Variants in SLCO1A2 observed in about 807,000 individuals in gnomAD.
The protein encoded by SLCO1A2 is OATP-1.
A neutral mutation model predicts 69.0 loss-of-function variants in SLCO1A2; 67 were observed. The ratio of observed to expected loss-of-function variants is 0.97; its 90% CI spans 0.80 to 1.19. SLCO1A2 has a LOEUF of 1.19. SLCO1A2 is among the 50% of genes most tolerant of loss of function. SLCO1A2 has a pLI of 0.00. For missense variants in SLCO1A2, 787 were observed against 793.7 expected (o/e 0.99, Z 0.10); for synonymous variants, 260 against 265.9 (o/e 0.98, Z 0.22).
intron 2 of SLCO1A2, among the ~76,000 whole-genome samples, chr12:21,357,436 G>A (rs1591876200): frequency 6.6e-6 from 1 of 152,196 alleles, no homozygotes; most frequent in Admixed American, 6.5e-5. Context: ...CAACCCTGCT[G>A]ACACCTAATC....
chr12:21,314,051 C>A (rs12231484), intron 4 of SLCO1A2, among the ~76,000 whole-genome samples: 5,810 of 151,044 alleles, frequency 0.038, 454 homozygotes, highest in East Asian at 0.35. Context: ...AAGTTATAAG[C>A]ACTTGCCTCT....
rs1280201149 is a variant in SLCO1A2, at chr12:21,300,549, T to C, written c.709A>G (p.Thr237Ala). The change falls in exon 8 of 15, where the codon ACT (threonine) becomes GCT (alanine). Residue 237 changes from threonine (T) to alanine (A), a missense_variant. Physicochemically the swap from Thr to Ala is moderately conservative, Grantham distance 58. Transcript: ENST00000683939. ...VNTDDLIITPTDTRWVGAWWF... is the reference protein window; with the variant it reads ...VNTDDLIITPADTRWVGAWWF... ...CATGCACCGACCCAACGAGTGTCAG[T>C]GGGAGTTATGATCAGATCATCTGTA... The C allele has an allele frequency of 1.9e-6, 3 of 1,612,048 alleles. No individual in the cohort carries two copies. In the African/African-American group the frequency reaches 4.0e-5, roughly 22 times the overall value.
chr12:21,297,742 G>C (rs1947948154), intron 8 of SLCO1A2, among the ~76,000 whole-genome samples, 174 bp from the exon 9 acceptor site: 1 of 152,086 alleles, frequency 6.6e-6, no homozygotes, highest in Non-Finnish European at 1.5e-5. Flanking sequence ...ATGTTTTGGT[G>C]GCTTCTGGAA....
chr12:21,386,507 C>T (rs146679528), intron 1 of SLCO1A2, among the ~76,000 whole-genome samples: 3,917 of 152,052 alleles, frequency 0.026, 152 homozygotes, highest in African/African-American at 0.079. Flanking sequence ...ATAAGTCTCA[C>T]GAGATCTGAT....
At chr12:21,287,176 C>G (rs375510208) in intron 12 of SLCO1A2, among the ~76,000 whole-genome samples, 13 of 135,864 alleles carry the variant, frequency 9.6e-5, no homozygotes, top group Admixed American at 8.6e-4. Context: ...AAAAAACAAA[C>G]AACCCCATCA....
intron 2 of SLCO1A2, among the ~76,000 whole-genome samples, chr12:21,364,426 C>T (rs948721962): frequency 1.3e-5 from 2 of 152,098 alleles, no homozygotes; most frequent in Non-Finnish European, 2.9e-5. Flanking sequence ...TTATGACAAA[C>T]CCACAGGCAA....
intron 2 of SLCO1A2, among the ~76,000 whole-genome samples, chr12:21,371,814 C>T (rs1000079821): frequency 1.4e-4 from 21 of 151,978 alleles, no homozygotes; most frequent in African/African-American, 5.1e-4. Flanking sequence ...ACCAGCCTGA[C>T]CAACATAGAG....
chr12:21,376,885 G>T (rs1003155171), intron 1 of SLCO1A2, among the ~76,000 whole-genome samples: 2 of 151,950 alleles, frequency 1.3e-5, no homozygotes, highest in Non-Finnish European at 2.9e-5. Flanking sequence ...CCAATATTTT[G>T]ATTTCTATGG....
Position 21,318,824 on chromosome 12 carries a change from G to A in SLCO1A2, c.160C>T (p.Pro54Ser), listed in dbSNP as rs1255829326. The A allele has an allele frequency of 6.2e-7, 1 of 1,610,152 alleles. No individual in the cohort carries two copies. The highest frequency in any genetic ancestry group is 8.5e-7 in the Non-Finnish European group (1 of 1,178,504). The change falls in exon 3 of 15, where the codon CCA (proline) becomes TCA (serine). Residue 54 changes from proline to serine, a missense_variant. Transcript: ENST00000683939. ...TTAATGAATCCAACTAGAGATGTTG[G>A]GATGTTGAATTGTCTCTCTATTTGT... ...LTQIERQFNI[P>S]TSLVGFINGS...
chr12:21,391,229 A>G (rs1339216697), intron 1 of SLCO1A2, among the ~76,000 whole-genome samples: 1 of 152,166 alleles, frequency 6.6e-6, no homozygotes, highest in African/African-American at 2.4e-5. Flanking sequence ...TTACAGCATT[A>G]CTATAAGTGA....
chr12:21,364,490 G>C (rs576850141), intron 2 of SLCO1A2, among the ~76,000 whole-genome samples: 1 of 152,294 alleles, frequency 6.6e-6, no homozygotes, highest in African/African-American at 2.4e-5. Context: ...ATGGGCACAA[G>C]ATAGGGATGC....
chr12:21,295,571 C>T (rs1565478712), intron 10 of SLCO1A2, 26 bp downstream of exon 10: 1 of 1,387,570 alleles, frequency 7.2e-7, no homozygotes, highest in East Asian at 2.3e-5. Flanking sequence ...TTGAAAGATT[C>T]TCACATTCAT....
intron 1 of SLCO1A2, among the ~76,000 whole-genome samples, chr12:21,385,372 T>C (rs995972862): frequency 6.6e-6 from 1 of 152,194 alleles, no homozygotes; most frequent in Non-Finnish European, 1.5e-5. Context: ...TAATTTGAAA[T>C]TCATTCTTGT....
At chr12:21,336,932 T>C (rs551895857), upstream of SLCO1A2, among the ~76,000 whole-genome samples, 3 of 152,160 alleles carry the variant, frequency 2.0e-5, no homozygotes, top group Admixed American at 2.0e-4. Flanking sequence ...TGGAGAATCA[T>C]GTTATTTCCC....
chr12:21,280,578 A>G (rs1028293463), intron 12 of SLCO1A2, among the ~76,000 whole-genome samples: 8 of 152,108 alleles, frequency 5.3e-5, no homozygotes, highest in African/African-American at 1.9e-4. Flanking sequence ...CCAGATATAT[A>G]AAGCAAATAT....
intron 3 of SLCO1A2, 144 bp from the exon 4 acceptor site, chr12:21,314,825 T>A: frequency 1.5e-6 from 1 of 674,192 alleles, no homozygotes; most frequent in Non-Finnish European, 2.5e-6. Flanking sequence ...CATTAAATAA[T>A]AAATGAATAT....
rs75784823 is a variant in SLCO1A2 at position 21,394,058 on chromosome 12, CA to C, written c.-190+847del. Among the ~76,000 whole-genome samples, 193 of 152,274 alleles carry C rather than the reference CA, an allele frequency of 1.3e-3. 3 individuals are homozygous for C. The East Asian group carries it at 0.023, about 18-fold the overall frequency. ...AGCACAGCCATGGTTCAATATTGCA[CA>C]GTGACCTTCATAGAGACAAGATAAA... is the stretch of plus-strand genomic sequence containing the variant. On this transcript the variant is annotated intron_variant, in intron 1 of 15. Transcript: ENST00000307378.
intron 1 of SLCO1A2, among the ~76,000 whole-genome samples, chr12:21,384,877 A>T (rs1484882668): frequency 2.0e-5 from 3 of 149,836 alleles, no homozygotes. Context: ...GCCATTCTCC[A>T]GCCTCGGCTT....
upstream of SLCO1A2, among the ~76,000 whole-genome samples, chr12:21,399,957 T>A (rs1396241186): frequency 2.0e-5 from 3 of 152,012 alleles, no homozygotes; most frequent in Non-Finnish European, 2.9e-5. Context: ...ATTCAGGACA[T>A]AGGCATTGGC....
Sources: gnomAD v4.1 joint callset for allele counts (sites outside exome capture counted in the v4.1 genomes callset) on GRCh38, gnomAD v4.1.1 for gene constraint, MANE v1.5 for transcripts, NCBI Gene and HGNC (gene_info 2026-07-23, HGNC 2026-07-21) for gene names.